The following DYSF variants were observed in gnomAD, a reference collection of about 807,000 sequenced individuals.
The protein encoded by DYSF is dystrophy-associated fer-1-like 1.
DYSF carries 212 observed loss-of-function variants against 274.9 expected under a neutral mutation model. The observed-to-expected ratio is 0.77, with a 90% confidence interval of 0.69 to 0.86. The LOEUF is 0.86. DYSF is among the 40% of genes least tolerant of loss of function. The pLI, the probability that DYSF is intolerant of heterozygous loss-of-function variation, is 0.00. For missense variants in DYSF, 2,666 were observed against 2,783.2 expected (o/e 0.96, Z 0.95); for synonymous variants, 1,091 against 1,078.7 (o/e 1.01, Z -0.22).
At chr2:71,574,064 T>C in intron 29 of DYSF, 134 bp from the exon 30 acceptor site, 1 of 1,132,354 alleles carries the variant, frequency 8.8e-7, no homozygotes, top group Non-Finnish European at 1.3e-6. Context: ...TCCCAGGTTT[T>C]CCCACCTGGA....
intron 32 of DYSF, among the ~76,000 whole-genome samples, chr2:71,597,897 C>T (rs1292355271): frequency 6.6e-6 from 1 of 151,932 alleles, no homozygotes; most frequent in Non-Finnish European, 1.5e-5. Context: ...TCTCCCTAGA[C>T]CTCATGCTCC....
intron 30 of DYSF, among the ~76,000 whole-genome samples, chr2:71,587,291 C>T (rs529304207): frequency 1.3e-5 from 2 of 152,308 alleles, no homozygotes; most frequent in South Asian, 2.1e-4. Flanking sequence ...GGATTTCAGG[C>T]CTTTGGGTCC....
chr2:71,526,082 C>T (rs561587664), intron 12 of DYSF, 138 bp from the exon 13 acceptor site: 91 of 1,485,426 alleles, frequency 6.1e-5, no homozygotes, highest in Non-Finnish European at 8.1e-5. Context: ...CGAGACCACG[C>T]GGTAGTAAGT....
At chr2:71,662,641 T>TGTG (rs2094907640) in intron 45 of DYSF, among the ~76,000 whole-genome samples, 2 of 150,934 alleles carry the variant, frequency 1.3e-5, no homozygotes, top group Non-Finnish European at 3.0e-5. Flanking sequence ...TGTGTGTATT[T>TGTG]TGTGTGTATG....
intron 29 of DYSF, among the ~76,000 whole-genome samples, chr2:71,572,109 A>G (rs1234957611): frequency 1.5e-5 from 2 of 133,600 alleles, no homozygotes; most frequent in Non-Finnish European, 3.1e-5. Flanking sequence ...CAGCACACCC[A>G]CAGATCATAC....
intron 30 of DYSF, chr2:71,588,586 A>T: frequency 6.6e-6 from 1 of 152,334 alleles, no homozygotes; most frequent in East Asian, 1.9e-4. Flanking sequence ...GGTGGGATGA[A>T]TGGGCCGTCT....
intron 1 of DYSF, chr2:71,454,157 C>CAGGG: frequency 1.4e-6 from 2 of 1,417,654 alleles, no homozygotes; most frequent in Non-Finnish European, 2.0e-6. Flanking sequence ...GCTCTCAACC[C>CAGGG]TGGAGAGCAC....
intron 49 of DYSF, 56 bp from the exon 50 acceptor site, chr2:71,669,056 G>A: frequency 6.7e-7 from 1 of 1,483,378 alleles, no homozygotes; most frequent in South Asian, 1.2e-5. Flanking sequence ...GCTTCTTAAG[G>A]CCTTCCCATC....
intron 32 of DYSF, among the ~76,000 whole-genome samples, chr2:71,597,775 C>T (rs891923216): frequency 1.3e-5 from 2 of 152,156 alleles, no homozygotes; most frequent in African/African-American, 4.8e-5. Context: ...GGGTTTCTCG[C>T]ACACCCCTAC....
At chr2:71,542,561 GA>G (rs1253269837) in intron 17 of DYSF, among the ~76,000 whole-genome samples, 1 of 152,130 alleles carries the variant, frequency 6.6e-6, no homozygotes, top group African/African-American at 2.4e-5. Context: ...TGAGATTAGG[GA>G]GTGGTGATGA....
intron 14 of DYSF, among the ~76,000 whole-genome samples, chr2:71,528,940 C>T (rs570561278): frequency 7.2e-5 from 11 of 152,072 alleles, no homozygotes; most frequent in African/African-American, 2.7e-4. Flanking sequence ...TGCCCACCCC[C>T]CAGTGTCTGT....
At position 71,535,104 on chromosome 2, in the gene DYSF, C is replaced by T; in HGVS notation, c.1449+15C>T. On this transcript the variant is annotated intron_variant, in intron 15 of 55. Coordinates refer to ENST00000410020, the MANE Select transcript of DYSF (RefSeq NM_001130987.2). Reference sequence around the variant, plus strand: ...TGCCTGCCATGGTGAGCCTCCTGCCCCCAGCAAACCCAAGGAGGCCCCTGG... The same window carrying T: ...TGCCTGCCATGGTGAGCCTCCTGCCTCCAGCAAACCCAAGGAGGCCCCTGG... 5 of 1,614,010 alleles carry T rather than the reference C, an allele frequency of 3.1e-6. No individual in the cohort carries two copies. Among genetic ancestry groups the T allele is most frequent in the Non-Finnish European group, 4.2e-6 (5 of 1,179,900 alleles).
Position 71,613,381 on chromosome 2 carries a change from G to T in DYSF, c.4435G>T (p.Asp1479Tyr), listed in dbSNP as rs1324550005. Residue 1479 changes from aspartate to tyrosine, a missense_variant, in exon 40 of 56, where the codon GAT becomes TAT. Asp to Tyr is a radical substitution (Grantham distance 160). Coordinates refer to ENST00000410020, the MANE Select transcript of DYSF (RefSeq NM_001130987.2). Reference sequence around the variant, plus strand: ...TGGGGAAGACGTGCTCATCGACATTGATGACAAGGAGCCCCTCATCCCCAT... The same window carrying T: ...TGGGGAAGACGTGCTCATCGACATTTATGACAAGGAGCCCCTCATCCCCAT... ...SPGEDVLIDIDDKEPLIPIQL... is the reference protein window; with the variant it reads ...SPGEDVLIDIYDKEPLIPIQL... 3.1e-6 allele frequency: 5 copies of T among 1,613,586 alleles called. No individual in the cohort carries two copies. In the Admixed American group the frequency reaches 8.3e-5, roughly 27 times the overall value.
chr2:71,502,101 G>A (rs2085040087), intron 3 of DYSF, among the ~76,000 whole-genome samples: 2 of 151,730 alleles, frequency 1.3e-5, no homozygotes, highest in African/African-American at 2.4e-5. Flanking sequence ...GTGTGTGTGT[G>A]TGTGTGTGTG....
At chr2:71,482,014 G>T in intron 3 of DYSF, 44 bp downstream of exon 3, 1 of 1,532,462 alleles carries the variant, frequency 6.5e-7, no homozygotes, top group Non-Finnish European at 9.0e-7. Flanking sequence ...GAAGGTGCAG[G>T]TAGGATTGTG....
At chr2:71,515,035 A>G (rs1559051459) in intron 7 of DYSF, among the ~76,000 whole-genome samples, 1 of 151,788 alleles carries the variant, frequency 6.6e-6, no homozygotes, top group Non-Finnish European at 1.5e-5. Flanking sequence ...TAAATATCTT[A>G]TTTTTTTCCA....
chr2:71,483,831 C>T (rs987731010), intron 3 of DYSF, among the ~76,000 whole-genome samples: 9 of 151,952 alleles, frequency 5.9e-5, no homozygotes, highest in Non-Finnish European at 1.3e-4. Flanking sequence ...CTCATAGTCA[C>T]TGAGCCCCAT....
chr2:71,522,519 G>A (rs1573716766), intron 12 of DYSF, among the ~76,000 whole-genome samples: 1 of 151,984 alleles, frequency 6.6e-6, no homozygotes, highest in African/African-American at 2.4e-5. Flanking sequence ...CTTCAAATTC[G>A]ATGTTGCAGT....
At chr2:71,617,135 A>G (rs549253308) in intron 40 of DYSF, among the ~76,000 whole-genome samples, 21 of 152,288 alleles carry the variant, frequency 1.4e-4, no homozygotes, top group African/African-American at 5.1e-4. Flanking sequence ...CTTGCTTAGC[A>G]TTCCGAGAGA....
Sources: gnomAD v4.1 joint callset for allele counts (sites outside exome capture counted in the v4.1 genomes callset) on GRCh38, gnomAD v4.1.1 for gene constraint, MANE v1.5 for transcripts, NCBI Gene and HGNC (gene_info 2026-07-23, HGNC 2026-07-21) for gene names.